Variants in ZZEF1 observed in about 807,000 individuals in gnomAD.
ZZEF1 encodes zinc finger ZZ-type and EF-hand domain-containing protein 1.
Under a neutral mutation model 342.8 loss-of-function variants are expected in ZZEF1, and 157 were observed. The ratio of observed to expected loss-of-function variants is 0.46; its 90% CI spans 0.40 to 0.52. The LOEUF is 0.52. Among genes scored for constraint, ZZEF1 ranks in the 20% least tolerant of loss-of-function variants. The probability of loss-of-function intolerance (pLI) is 0.00; values close to 1 mark genes in which losing one functional copy is unlikely to be tolerated. For synonymous variants in ZZEF1, 1,505 were observed against 1,429.1 expected, an observed-to-expected ratio of 1.05 and a Z score of -1.20; for missense variants, 3,480 against 3,725.6, an observed-to-expected ratio of 0.93 and a Z score of 1.72.
At chr17:4,079,233 TGCGGG>T (rs1205677959) in intron 18 of ZZEF1, among the ~76,000 whole-genome samples, 18 of 152,174 alleles carry the variant, frequency 1.2e-4, no homozygotes, top group Non-Finnish European at 2.5e-4. Flanking sequence ...ACTCCTCACG[TGCGGG>T]GCAGAATCGA....
chr17:4,102,774 T>C (rs1341686978), intron 8 of ZZEF1, among the ~76,000 whole-genome samples: 3 of 152,158 alleles, frequency 2.0e-5, no homozygotes, highest in Non-Finnish European at 4.4e-5. Flanking sequence ...TTTATTACAA[T>C]TGCATTTAAA....
chr17:4,016,754 C>A lies in ZZEF1; in HGVS notation c.8002-288G>T. ...GGGTCCTGGTCCTTGAAGGAGTCCC[C>A]AGCCAAGCAGGTGGATTGGCCTATG... On this transcript the variant is annotated intron_variant, in intron 48 of 54. Transcript: ENST00000381638. The surrounding 1 kb of genome is among the most constrained non-coding windows in gnomAD (Gnocchi z 4.4). 1 of 329,690 alleles carries A rather than the reference C, an allele frequency of 3.0e-6. No individual in the cohort carries two copies. The allele number at this position is 329,690 out of a possible 1,614,324, so 20.4% of individuals were successfully genotyped here. A position where few individuals can be genotyped will look rare whatever the true frequency, so the allele number is the denominator to read the frequency against.
chr17:4,072,694 A>T lies in ZZEF1; in HGVS notation c.3748T>A (p.Trp1250Arg), dbSNP rs745465170. The change falls in exon 25 of 55, where the codon TGG becomes AGG. Residue 1250 changes from tryptophan to arginine, a missense_variant. Physicochemically the swap from Trp to Arg is moderately radical, Grantham distance 101 (BLOSUM62 -3). Transcript: ENST00000381638. ...ACCTGATGCCTGAAGACAGGTTTCC[A>T]CAGTGGGGAGCTTAGGACTAATGCC... ...KMALVLSSPL[W>R]KPVFRHQVCP... 17 of 1,614,026 alleles carry T rather than the reference A, an allele frequency of 1.1e-5. No individual in the cohort carries two copies. Among genetic ancestry groups the T allele is most frequent in the Non-Finnish European group, 1.4e-5 (17 of 1,179,988 alleles).
chr17:4,123,588 A>G (rs985593138), intron 2 of ZZEF1, among the ~76,000 whole-genome samples: 9 of 152,010 alleles, frequency 5.9e-5, no homozygotes, highest in African/African-American at 2.2e-4. Context: ...TTACAATGGT[A>G]ATATGTTGCA....
intron 1 of ZZEF1, among the ~76,000 whole-genome samples, chr17:4,126,011 G>A (rs945218885): frequency 4.6e-5 from 7 of 152,030 alleles, no homozygotes; most frequent in African/African-American, 1.7e-4. Flanking sequence ...TGAATCATGA[G>A]GTCAGGAGTT....
At chr17:4,057,889 C>T (rs956664572) in intron 32 of ZZEF1, 105 bp downstream of exon 32, 6 of 1,221,214 alleles carry the variant, frequency 4.9e-6, no homozygotes, top group Non-Finnish European at 5.7e-6. Context: ...CAAGATATGA[C>T]ACAGACAGTC....
intron 30 of ZZEF1, 27 bp from the exon 31 acceptor site, chr17:4,059,317 A>G (rs755660624): frequency 7.6e-6 from 12 of 1,585,138 alleles, no homozygotes; most frequent in African/African-American, 1.4e-5. Flanking sequence ...TCACTGATTC[A>G]CTTAATTGCC....
chr17:4,121,555 G>A, intron 2 of ZZEF1, among the ~76,000 whole-genome samples: 1 of 152,164 alleles, frequency 6.6e-6, no homozygotes. Context: ...GAACCCAGGA[G>A]GTGGAGGCTG....
chr17:4,094,183 C>T (rs951048237), intron 11 of ZZEF1, among the ~76,000 whole-genome samples: 1 of 152,260 alleles, frequency 6.6e-6, no homozygotes, highest in Non-Finnish European at 1.5e-5. Context: ...ACTCTGTCAC[C>T]CAGGCAGGAG....
intron 40 of ZZEF1, 54 bp from the exon 41 acceptor site, chr17:4,033,056 G>C (rs11868013): frequency 3.3e-6 from 5 of 1,509,552 alleles, no homozygotes; most frequent in African/African-American, 2.8e-5. Flanking sequence ...AACTCAACTC[G>C]TTAGAGCTCA....
At chr17:4,055,107 C>T (rs911970383) in intron 33 of ZZEF1, among the ~76,000 whole-genome samples, 2 of 152,134 alleles carry the variant, frequency 1.3e-5, no homozygotes, top group Non-Finnish European at 2.9e-5. Context: ...GTCTAATGAG[C>T]AAACAAATTG....
intron 42 of ZZEF1, 82 bp downstream of exon 42, chr17:4,032,044 A>G: frequency 6.9e-7 from 1 of 1,458,402 alleles, no homozygotes; most frequent in Non-Finnish European, 9.2e-7. Context: ...GCCAAGAGCC[A>G]AGGTAATTTC....
intron 36 of ZZEF1, among the ~76,000 whole-genome samples, 196 bp from the exon 37 acceptor site, chr17:4,050,055 G>A (rs2057012572): frequency 6.6e-6 from 1 of 152,204 alleles, no homozygotes; most frequent in Non-Finnish European, 1.5e-5. Context: ...GTGAGAGGCT[G>A]AATAGCAAGG....
At chr17:4,009,829 G>A in intron 52 of ZZEF1, 72 bp from the exon 53 acceptor site, 1 of 1,541,824 alleles carries the variant, frequency 6.5e-7, no homozygotes, top group Non-Finnish European at 8.8e-7. Flanking sequence ...ACAGCTGGCA[G>A]GAACCACAGC....
At chr17:4,113,962 C>G (rs1056836605) in intron 4 of ZZEF1, among the ~76,000 whole-genome samples, 1 of 151,672 alleles carries the variant, frequency 6.6e-6, no homozygotes. Context: ...AAAATAAGAT[C>G]CTGTCTTAAA....
At chr17:4,079,317 G>C (rs892696323) in intron 18 of ZZEF1, among the ~76,000 whole-genome samples, 1 of 152,170 alleles carries the variant, frequency 6.6e-6, no homozygotes, top group Admixed American at 6.6e-5. Flanking sequence ...AACAACAGAA[G>C]AAAGACTGGT....
In ZZEF1 at chr17:4,049,703, T is replaced by C; in HGVS notation, c.6015+5A>G. On this transcript the variant is annotated splice_donor_5th_base_variant and intron_variant, in intron 37 of 54. Transcript: ENST00000381638. The stretch of plus-strand genomic sequence containing the variant: ...GATTCTGTGTAGTAAAGAATCGTCA[T>C]TTACATTGCCTGCTTCTGACAGCTC... The C allele has an allele frequency of 1.9e-6, 3 of 1,613,972 alleles. No individual in the cohort carries two copies. The highest frequency in any genetic ancestry group is 2.5e-6 in the Non-Finnish European group (3 of 1,179,932).
chr17:4,097,082 A>C lies in ZZEF1; in HGVS notation c.1673-382T>G, dbSNP rs539972657. Among the ~76,000 whole-genome samples, 12 of 152,106 alleles carry C rather than the reference A, an allele frequency of 7.9e-5. No individual in the cohort carries two copies. The East Asian group carries it at 1.9e-3, about 25-fold the overall frequency. ...GGAGACCATCCTGGCTAACACGGAG[A>C]AACCCCGTCTCTACTAAAAATACAA... On this transcript the variant is annotated intron_variant, in intron 9 of 54. Coordinates refer to ENST00000381638, the MANE Select transcript of ZZEF1 (RefSeq NM_015113.4).
intron 18 of ZZEF1, among the ~76,000 whole-genome samples, chr17:4,079,122 C>A (rs927935443): frequency 6.6e-6 from 1 of 152,198 alleles, no homozygotes; most frequent in African/African-American, 2.4e-5. Context: ...CATTTCTCCA[C>A]GTACATCTTA....
Sources: allele counts gnomAD v4.1 joint callset (sites outside exome capture counted in the v4.1 genomes callset), GRCh38; gene constraint gnomAD v4.1.1; non-coding constraint Gnocchi (gnomAD v3.1); transcripts MANE v1.5; gene names NCBI Gene and HGNC (gene_info 2026-07-23, HGNC 2026-07-21).